The following EYS variants were observed in gnomAD, a reference collection of about 807,000 sequenced individuals.
EYS encodes protein eyes shut homolog.
Under a neutral mutation model 282.1 loss-of-function variants are expected in EYS, and 250 were observed. That is an observed-to-expected ratio of 0.89 (90% CI 0.80 to 0.98). The LOEUF (loss-of-function observed/expected upper bound fraction) is 0.98. Ranked by LOEUF, EYS falls within the 50% of genes least tolerant of loss-of-function variation. EYS has a pLI of 0.00. For synonymous variants in EYS, 1,355 were observed against 1,282.9 expected, an observed-to-expected ratio of 1.06 and a Z score of -1.20; for missense variants, 4,016 against 3,709.0, an observed-to-expected ratio of 1.08 and a Z score of -2.15.
chr6:64,294,235 T>G (rs1355235895), intron 30 of EYS, among the ~76,000 whole-genome samples: 2 of 152,220 alleles, frequency 1.3e-5, no homozygotes, highest in Admixed American at 6.5e-5. Context: ...GGTGAATCAG[T>G]TTCTCTGTCA....
chr6:65,183,666 A>G lies in EYS; in HGVS notation c.2023+112197T>C, dbSNP rs181756511. On this transcript the variant is annotated intron_variant, in intron 12 of 42. Transcript: ENST00000503581. ...TTTTATATGCTTTTAAACTATTATA[A>G]GTGTACTGATTTTATTATACTTTCT... 1.5e-3 allele frequency among the ~76,000 whole-genome samples: 226 copies of G among 151,912 alleles called. 1 individual carries two copies. Among genetic ancestry groups the G allele is most frequent in the Non-Finnish European group, 8.3e-4 (56 of 67,862 alleles).
intron 22 of EYS, among the ~76,000 whole-genome samples, chr6:64,712,410 A>G (rs1771243825): frequency 6.6e-6 from 1 of 152,182 alleles, no homozygotes; most frequent in Admixed American, 6.5e-5. Context: ...AAATGATTTG[A>G]TTGTGAGGAT....
intron 8 of EYS, among the ~76,000 whole-genome samples, chr6:65,367,055 G>A (rs939796978): frequency 2.6e-5 from 4 of 151,584 alleles, no homozygotes; most frequent in Non-Finnish European, 5.9e-5. Context: ...TTTTTGCCAT[G>A]TTAGATAACA....
At chr6:65,663,552 A>G (rs1045102098) in intron 1 of EYS, among the ~76,000 whole-genome samples, 11 of 152,216 alleles carry the variant, frequency 7.2e-5, no homozygotes, top group South Asian at 2.1e-4. Flanking sequence ...CATCAGGGAA[A>G]CCAAATGGGT....
At position 64,767,198 on chromosome 6, in the gene EYS, TG is replaced by T. The variant is rs374579683; in HGVS notation, c.3443+46179del. ...TTATTGTGTACTAGTGATGTTTTGA[TG>T]TATGTAATATATAGTGATCACATCA... On this transcript the variant is annotated intron_variant, in intron 22 of 42. Coordinates refer to ENST00000503581, the MANE Select transcript of EYS (RefSeq NM_001142800.2). Among the ~76,000 whole-genome samples, 7 of 152,244 alleles carry T rather than the reference TG, an allele frequency of 4.6e-5. No homozygotes were observed. In the East Asian group the frequency reaches 1.2e-3, roughly 25 times the overall value.
chr6:64,310,036 G>A (rs1219919272), intron 29 of EYS, among the ~76,000 whole-genome samples: 5 of 145,486 alleles, frequency 3.4e-5, no homozygotes, highest in Non-Finnish European at 6.0e-5. Flanking sequence ...TCTCACACCA[G>A]TCCAAATGGC....
At chr6:63,823,241 A>G (rs1026982899) in intron 36 of EYS, among the ~76,000 whole-genome samples, 8 of 152,136 alleles carry the variant, frequency 5.3e-5, no homozygotes, top group Admixed American at 3.9e-4. Context: ...TTCTTCTGCT[A>G]ATGCTATGCT....
At chr6:64,271,649 A>T (rs1450573346) in intron 30 of EYS, among the ~76,000 whole-genome samples, 1 of 152,110 alleles carries the variant, frequency 6.6e-6, no homozygotes, top group African/African-American at 2.4e-5. Flanking sequence ...ACCTTTTTAA[A>T]TTGCTAACTT....
intron 1 of EYS, among the ~76,000 whole-genome samples, chr6:65,659,500 G>A (rs1274507675): frequency 3.3e-5 from 5 of 151,650 alleles, no homozygotes; most frequent in African/African-American, 4.8e-5. Flanking sequence ...ATCAAGATTC[G>A]TAAAACTTAT....
chr6:63,865,537 T>C (rs1162634391), intron 35 of EYS, among the ~76,000 whole-genome samples: 2 of 152,126 alleles, frequency 1.3e-5, no homozygotes, highest in African/African-American at 4.8e-5. Context: ...TTACATCTTA[T>C]CTTCTCAATG....
chr6:65,031,076 C>T (rs1482916019), intron 13 of EYS, among the ~76,000 whole-genome samples: 1 of 150,788 alleles, frequency 6.6e-6, no homozygotes, highest in Non-Finnish European at 1.5e-5. Context: ...TAGGTCAATT[C>T]AACAAGAAGA....
At chr6:65,362,518 T>G (rs899566658) in intron 8 of EYS, among the ~76,000 whole-genome samples, 1 of 149,974 alleles carries the variant, frequency 6.7e-6, no homozygotes, top group Non-Finnish European at 1.5e-5. Context: ...TATATACACA[T>G]GCATATACAT....
At chr6:64,611,874 C>T (rs1034340669) in intron 24 of EYS, among the ~76,000 whole-genome samples, 2 of 152,098 alleles carry the variant, frequency 1.3e-5, no homozygotes, top group African/African-American at 4.8e-5. Context: ...AAAATATCTA[C>T]TTAAAAGAGC....
chr6:64,424,752 G>C (rs1774349100), intron 28 of EYS, among the ~76,000 whole-genome samples: 1 of 152,158 alleles, frequency 6.6e-6, no homozygotes, highest in African/African-American at 2.4e-5. Flanking sequence ...TGCCAGGTGT[G>C]TATTCAACCG....
chr6:64,940,514 T>A (rs1165810533), intron 15 of EYS, among the ~76,000 whole-genome samples: 1 of 152,046 alleles, frequency 6.6e-6, no homozygotes, highest in Non-Finnish European at 1.5e-5. Flanking sequence ...TTTTAGTTCA[T>A]CAAAAGTTTA....
chr6:65,666,050 T>A (rs1330322408), intron 1 of EYS, among the ~76,000 whole-genome samples: 1 of 151,894 alleles, frequency 6.6e-6, no homozygotes, highest in African/African-American at 2.4e-5. Context: ...ATTGATGGAA[T>A]GTAAGTTAAC....
At chr6:64,245,145 T>G (rs1766971380) in intron 30 of EYS, among the ~76,000 whole-genome samples, 1 of 152,190 alleles carries the variant, frequency 6.6e-6, no homozygotes, top group East Asian at 1.9e-4. Flanking sequence ...AGCAAAGACT[T>G]GGAACCAACC....
intron 22 of EYS, among the ~76,000 whole-genome samples, chr6:64,749,317 T>G (rs753181428): frequency 2.0e-5 from 3 of 152,202 alleles, no homozygotes; most frequent in Non-Finnish European, 4.4e-5. Flanking sequence ...CTATAAAATC[T>G]GATTTATTTA....
At chr6:65,318,305 C>G (rs1210091218) in intron 11 of EYS, among the ~76,000 whole-genome samples, 1 of 151,678 alleles carries the variant, frequency 6.6e-6, no homozygotes, top group East Asian at 1.9e-4. Context: ...GACAAAGACA[C>G]AAAGAGACAG....
Sources: gnomAD v4.1 joint callset for allele counts (sites outside exome capture counted in the v4.1 genomes callset) on GRCh38, gnomAD v4.1.1 for gene constraint, MANE v1.5 for transcripts, NCBI Gene and HGNC (gene_info 2026-07-23, HGNC 2026-07-21) for gene names.